PLCG2: variants seen among roughly 807,000 people sequenced by gnomAD.
PLCG2 encodes the protein phospholipase C gamma 2.
A neutral mutation model predicts 175.6 loss-of-function variants in PLCG2; 69 were observed. The ratio of observed to expected loss-of-function variants is 0.39; its 90% CI spans 0.32 to 0.48. The LOEUF is 0.48. Among genes scored for constraint, PLCG2 ranks in the 20% least tolerant of loss-of-function variants. The pLI, the probability that PLCG2 is intolerant of heterozygous loss-of-function variation, is 0.91. For synonymous variants in PLCG2, 827 were observed against 624.0 expected (o/e 1.33, Z -4.85); for missense variants, 1,798 against 1,650.9 (o/e 1.09, Z -1.54).
At chr16:81,912,826 C>A (rs546317629) in intron 19 of PLCG2, 110 bp downstream of exon 19, 39 of 1,312,784 alleles carry the variant, frequency 3.0e-5, no homozygotes, top group South Asian at 4.7e-5. Context: ...GCCCTGCCCC[C>A]CCAGCATCAG....
At chr16:81,861,118 G>A (rs1486342242) in intron 5 of PLCG2, among the ~76,000 whole-genome samples, 1 of 152,148 alleles carries the variant, frequency 6.6e-6, no homozygotes, top group African/African-American at 2.4e-5. Flanking sequence ...GCCAGGGATT[G>A]CATTGAGCTC....
At chr16:81,744,024 A>C (rs1909652761) in intron 1 of PLCG2, among the ~76,000 whole-genome samples, 1 of 151,552 alleles carries the variant, frequency 6.6e-6, no homozygotes, top group Non-Finnish European at 1.5e-5. Context: ...GCACCCAGCT[A>C]ATTTTTTGTA....
chr16:81,855,284 T>G (rs1008184666), intron 3 of PLCG2, among the ~76,000 whole-genome samples: 2 of 152,086 alleles, frequency 1.3e-5, no homozygotes, highest in African/African-American at 4.8e-5. Context: ...CTGAAGGAAC[T>G]GTCCTGAGAT....
rs942613080 is a variant in PLCG2, at chr16:81,962,088, T to C, written c.*4090T>C. ...CGTCGAAGAGGACGACCAACCCCGA[T>C]AGAGGAGGACCGGTCTTCGGTCAAG... On this transcript the variant is annotated 3_prime_UTR_variant, in exon 33 of 33. Coordinates refer to ENST00000564138, the MANE Select transcript of PLCG2 (RefSeq NM_002661.5). 3 of 186,010 alleles carry C rather than the reference T, an allele frequency of 1.6e-5. No homozygotes were observed. The highest frequency in any genetic ancestry group is 1.2e-4 in the Admixed American group (2 of 16,066). The allele number at this position is 186,010 out of a possible 1,614,324, so 11.5% of individuals were successfully genotyped here.
intron 2 of PLCG2, among the ~76,000 whole-genome samples, chr16:81,766,363 C>G (rs28552961): frequency 2.0e-4 from 30 of 152,170 alleles, no homozygotes; most frequent in Admixed American, 5.9e-4. Context: ...ACCCTGCCCT[C>G]AAGCTCTGCA....
At chr16:81,904,255 C>T (rs1001996238) in intron 14 of PLCG2, among the ~76,000 whole-genome samples, 73 of 152,202 alleles carry the variant, frequency 4.8e-4, no homozygotes, top group Admixed American at 4.6e-3. Flanking sequence ...GGGGCTGCCA[C>T]GTCCCGATTT....
intron 2 of PLCG2, among the ~76,000 whole-genome samples, chr16:81,770,254 A>G (rs1910248187): frequency 6.6e-6 from 1 of 152,106 alleles, no homozygotes; most frequent in Non-Finnish European, 1.5e-5. Context: ...GGTGCTGCTC[A>G]TCACCACCTT....
intron 32 of PLCG2, 106 bp downstream of exon 32, chr16:81,956,985 C>T (rs1031564285): frequency 2.0e-6 from 2 of 980,502 alleles, no homozygotes; most frequent in Non-Finnish European, 3.0e-6. Context: ...TTGCTTTCTT[C>T]AGAAATCCTT....
chr16:81,935,499 T>C (rs1910670148), intron 26 of PLCG2: 4 of 984,328 alleles, frequency 4.1e-6, no homozygotes, highest in South Asian at 9.4e-5. Context: ...ATTTTTTTCT[T>C]TGGGTGTTTT....
At chr16:81,820,467 G>T (rs1220783461) in intron 2 of PLCG2, among the ~76,000 whole-genome samples, 2 of 152,204 alleles carry the variant, frequency 1.3e-5, no homozygotes, top group East Asian at 3.8e-4. Flanking sequence ...TGTTCTCAAG[G>T]TTCACCCATG....
At chr16:81,872,264 G>A (rs147830709) in intron 7 of PLCG2, among the ~76,000 whole-genome samples, 4 of 152,106 alleles carry the variant, frequency 2.6e-5, no homozygotes, top group Non-Finnish European at 4.4e-5. Flanking sequence ...GGAGGCGGAG[G>A]TTGCAGTGAG....
intron 2 of PLCG2, among the ~76,000 whole-genome samples, chr16:81,758,568 C>T (rs1326218161): frequency 2.0e-5 from 3 of 152,118 alleles, no homozygotes; most frequent in Non-Finnish European, 4.4e-5. Flanking sequence ...TTTTGAGGAA[C>T]TGCTAAACTA....
chr16:81,742,447 G>A (rs1189081383), intron 1 of PLCG2, among the ~76,000 whole-genome samples: 1 of 152,100 alleles, frequency 6.6e-6, no homozygotes, highest in Non-Finnish European at 1.5e-5. Flanking sequence ...CTACTCCTGG[G>A]GCCCAGCCTA....
At chr16:81,824,245 TC>T (rs200316407) in intron 2 of PLCG2, among the ~76,000 whole-genome samples, 2,011 of 151,898 alleles carry the variant, frequency 0.013, 68 homozygotes, top group African/African-American at 0.046. Flanking sequence ...GCAATTCTCC[TC>T]CCTCAGCCTC....
At chr16:81,794,555 G>C (rs974833842) in intron 2 of PLCG2, among the ~76,000 whole-genome samples, 2 of 152,264 alleles carry the variant, frequency 1.3e-5, no homozygotes, top group Admixed American at 1.3e-4. Context: ...TCCTGCACTT[G>C]GTAGGGGTGT....
chr16:81,956,557 C>A, intron 31 of PLCG2, 138 bp from the exon 32 acceptor site: 1 of 594,542 alleles, frequency 1.7e-6, no homozygotes, highest in Non-Finnish European at 2.9e-6. Flanking sequence ...AAAATAGGCC[C>A]TGGCTCTTCT....
rs1298142281 is a variant in PLCG2, at chr16:81,908,418, T to C, written c.1560T>C (p.Asp520=). 1 of 1,613,678 alleles carries C rather than the reference T, an allele frequency of 6.2e-7. No homozygotes were observed. Among genetic ancestry groups the C allele is most frequent in the Non-Finnish European group, 8.5e-7 (1 of 1,179,794 alleles). ...EQTMEEEVPQ[D]IPPTELHFGE... is the part of the protein sequence containing the mutation. ...CCCCTCCTCTCTTTGCGGCCCAGGA[T>C]ATACCCCCTACAGAACTACATTTTG... The change falls in exon 17 of 33, where the codon GAT becomes GAC. Residue 520 remains aspartate, a splice_region_variant and synonymous_variant. Coordinates refer to ENST00000564138, the MANE Select transcript of PLCG2 (RefSeq NM_002661.5).
Position 81,871,726 on chromosome 16 carries a change from T to A in PLCG2, c.648+791T>A, listed in dbSNP as rs1597365756. On this transcript the variant is annotated intron_variant, in intron 7 of 32. Coordinates refer to ENST00000564138, the MANE Select transcript of PLCG2 (RefSeq NM_002661.5). ...TTAAAAATTAAGAGGGTGTATGTTT[T>A]GATCTGACAGTGGCATCCTGGGGAC... Among the ~76,000 whole-genome samples, 3 of 152,234 alleles carry A rather than the reference T, an allele frequency of 2.0e-5. No individual in the cohort carries two copies. The East Asian group carries it at 5.8e-4, about 29-fold the overall frequency.
At chr16:81,867,847 G>A (rs1427414150) in intron 5 of PLCG2, among the ~76,000 whole-genome samples, 1 of 152,104 alleles carries the variant, frequency 6.6e-6, no homozygotes, top group African/African-American at 2.4e-5. Flanking sequence ...ACAGGCGCCT[G>A]CTACCATGCC....
Sources: allele counts gnomAD v4.1 joint callset (sites outside exome capture counted in the v4.1 genomes callset), GRCh38; gene constraint gnomAD v4.1.1; transcripts MANE v1.5; gene names NCBI Gene and HGNC (gene_info 2026-07-23, HGNC 2026-07-21).